DDX11: variants seen among roughly 807,000 people sequenced by gnomAD.
DDX11 encodes the protein DEAD/H-box helicase 11.
In DDX11, 72 loss-of-function variants were observed where a neutral mutation model predicts 125.2. That is an observed-to-expected ratio of 0.58 (90% CI 0.48 to 0.70). DDX11 has a LOEUF of 0.70. Ranked by LOEUF, DDX11 falls within the 30% of genes least tolerant of loss-of-function variation. DDX11 has a pLI of 0.00. For missense variants in DDX11, 883 were observed against 1,165.0 expected, an observed-to-expected ratio of 0.76 and a Z score of 3.52; for synonymous variants, 347 against 452.6, an observed-to-expected ratio of 0.77 and a Z score of 2.96.
At chr12:31,097,679 C>CA (rs10676316) in intron 17 of DDX11, among the ~76,000 whole-genome samples, 8,903 of 93,014 alleles carry the variant, frequency 0.096, 522 homozygotes, top group Middle Eastern at 0.13. Flanking sequence ...GACTCCATCT[C>CA]AAAAAAAAAA....
chr12:31,090,792 G>A (rs1214379773), intron 9 of DDX11, among the ~76,000 whole-genome samples: 1 of 152,220 alleles, frequency 6.6e-6, no homozygotes, highest in Non-Finnish European at 1.5e-5. Flanking sequence ...AGGGAACTAA[G>A]TAACCATTTG....
intron 7 of DDX11, 48 bp downstream of exon 7, chr12:31,089,199 C>A (rs1943709861): frequency 2.6e-6 from 4 of 1,550,258 alleles, no homozygotes; most frequent in Non-Finnish European, 3.6e-6. Context: ...GCTCCTTTCG[C>A]CACAACTTTG....
chr12:31,087,750 T>A lies in DDX11; in HGVS notation c.639-188T>A. On this transcript the variant is annotated intron_variant, in intron 5 of 26. Transcript: ENST00000542838. ...TTTTACATTTCCCTACCCACAGACC[T>A]GAGCGGCCATGGGAGGTTGGGGTTG... 6.3e-6 allele frequency: 6 copies of A among 958,554 alleles called. No homozygotes were observed. In the South Asian group the frequency reaches 8.4e-5, roughly 13 times the overall value. 59.4% of individuals were successfully genotyped at this position (958,554 alleles called of 1,614,324 possible). A position where few individuals can be genotyped will look rare whatever the true frequency, so the allele number is the denominator to read the frequency against.
At chr12:31,090,303 TG>T (rs1344139067) in intron 9 of DDX11, among the ~76,000 whole-genome samples, 2 of 146,784 alleles carry the variant, frequency 1.4e-5, no homozygotes, top group African/African-American at 5.1e-5. Context: ...TTGGCATTAC[TG>T]GGGATGGTAT....
chr12:31,078,802 C>T lies in DDX11; in HGVS notation c.144+265C>T, dbSNP rs535870816. On this transcript the variant is annotated intron_variant, in intron 2 of 26. Coordinates refer to ENST00000542838, the MANE Select transcript of DDX11 (RefSeq NM_030653.4). The stretch of plus-strand genomic sequence containing the variant: ...TCCCGGGTTCACGCCATTCTCCTGC[C>T]TCAGCCTCTTGAGTTGCTGGGACTA... Among the ~76,000 whole-genome samples the T allele has an allele frequency of 4.6e-5, 7 of 152,162 alleles. No homozygotes were observed. The South Asian group carries it at 1.5e-3, about 32-fold the overall frequency.
At chr12:31,091,058 A>G (rs1944116884) in intron 9 of DDX11, 1 of 152,256 alleles carries the variant, frequency 6.6e-6, no homozygotes, top group Non-Finnish European at 1.5e-5. Flanking sequence ...AATTCTGTGC[A>G]TGGGGACACT....
chr12:31,090,162 C>T (rs1292352206), intron 9 of DDX11, 68 bp downstream of exon 9: 1 of 1,443,634 alleles, frequency 6.9e-7, no homozygotes, highest in African/African-American at 1.4e-5. Context: ...GAGGGGGGTC[C>T]TCATCACACT....
intron 7 of DDX11, 123 bp downstream of exon 7, chr12:31,089,274 CCCCT>C (rs750081652): frequency 3.0e-6 from 4 of 1,350,928 alleles, no homozygotes; most frequent in Non-Finnish European, 4.2e-6. Flanking sequence ...GAGGAGCAGC[CCCCT>C]CCCTGACCTG....
chr12:31,084,124 G>C lies in DDX11; in HGVS notation c.393+63G>C. 1.9e-6 allele frequency: 3 copies of C among 1,600,598 alleles called. No homozygotes were observed. In the African/African-American group the frequency reaches 4.0e-5, roughly 21 times the overall value. The stretch of plus-strand genomic sequence containing the variant: ...GAAACAGGGCTTCAGCGATTGTTCT[G>C]GGGCGATTCCGAGACTCAGGCAGTG... On this transcript the variant is annotated intron_variant, in intron 3 of 26. Coordinates refer to ENST00000542838, the MANE Select transcript of DDX11 (RefSeq NM_030653.4).
At chr12:31,079,793 C>T (rs1389708994) in intron 2 of DDX11, among the ~76,000 whole-genome samples, 1 of 152,180 alleles carries the variant, frequency 6.6e-6, no homozygotes, top group African/African-American at 2.4e-5. Flanking sequence ...CCACCATACA[C>T]AGCTTCTTTT....
chr12:31,091,964 G>A, intron 10 of DDX11, 93 bp downstream of exon 10: 1 of 1,568,632 alleles, frequency 6.4e-7, no homozygotes, highest in Non-Finnish European at 8.8e-7. Flanking sequence ...AGTTCCTCCG[G>A]AGGTGGGGCT....
At chr12:31,078,108 G>T (rs919355043) in intron 1 of DDX11, 27 of 1,017,686 alleles carry the variant, frequency 2.7e-5, no homozygotes, top group Non-Finnish European at 3.7e-5. Flanking sequence ...CATTAGAAAG[G>T]TATCGGAGCC....
chr12:31,100,992 T>C, intron 19 of DDX11, 35 bp from the exon 20 acceptor site: 1 of 1,560,690 alleles, frequency 6.4e-7, no homozygotes, highest in Non-Finnish European at 8.8e-7. Context: ...CACACCTGCA[T>C]CTCCAGTTTT....
At chr12:31,080,779 C>G (rs995756623) in intron 2 of DDX11, among the ~76,000 whole-genome samples, 4 of 152,200 alleles carry the variant, frequency 2.6e-5, no homozygotes, top group African/African-American at 7.2e-5. Context: ...GGGTGTTGCT[C>G]TGTTGCCCAG....
Position 31,096,350 on chromosome 12 carries a change from T to C in DDX11, c.1492T>C (p.Tyr498His). The change falls in exon 15 of 27, where the codon TAC becomes CAC. Residue 498 changes from tyrosine to histidine, a missense_variant. Tyr to His is a moderately conservative substitution (Grantham distance 83, BLOSUM62 2). This residue lies in a region of DDX11 where 241 missense variants were observed against 279.7 expected (regional missense o/e 0.86). Transcript: ENST00000542838. ...DNINLFKVQR[Y>H]CEKSMISRKL... The stretch of plus-strand genomic sequence containing the variant: ...GGCTTGGTTTTTGCAGGTGCAGCGA[T>C]ACTGTGAGAAGAGCATGATCAGCAG... 1 of 1,612,654 alleles carries C rather than the reference T, an allele frequency of 6.2e-7. No individual in the cohort carries two copies. Among genetic ancestry groups the C allele is most frequent in the Non-Finnish European group, 8.5e-7 (1 of 1,179,574 alleles).
At chr12:31,086,372 C>T (rs1373925752) in intron 5 of DDX11, among the ~76,000 whole-genome samples, 1 of 152,166 alleles carries the variant, frequency 6.6e-6, no homozygotes, top group Admixed American at 6.5e-5. Flanking sequence ...CAGTGTTTGG[C>T]ATAGGGGTGT....
intron 18 of DDX11, among the ~76,000 whole-genome samples, chr12:31,100,090 G>C (rs990585082): frequency 1.5e-4 from 23 of 152,202 alleles, no homozygotes; most frequent in Admixed American, 1.5e-3. Context: ...AGGTCCGGGG[G>C]CACATGCTGT....
intron 17 of DDX11, among the ~76,000 whole-genome samples, chr12:31,097,661 C>T (rs1945532647): frequency 8.2e-6 from 1 of 122,488 alleles, no homozygotes; most frequent in African/African-American, 3.5e-5. Context: ...GCCTGGGCAA[C>T]AGATCGAGAC....
chr12:31,092,968 A>G (rs1944500863), intron 11 of DDX11, 76 bp downstream of exon 11: 1 of 1,575,568 alleles, frequency 6.3e-7, no homozygotes, highest in African/African-American at 1.3e-5. Flanking sequence ...GGCAGGCAGC[A>G]CTTTGGTTCC....
Sources: gnomAD v4.1 joint callset for allele counts (sites outside exome capture counted in the v4.1 genomes callset) on GRCh38, gnomAD v4.1.1 for gene constraint, gnomAD v4.1.1 regional missense constraint, MANE v1.5 for transcripts, NCBI Gene and HGNC (gene_info 2026-07-23, HGNC 2026-07-21) for gene names.